Variants in ZNF592 observed in about 807,000 individuals in gnomAD.
ZNF592 encodes the protein spinocerebellar ataxia, autosomal recessive 5.
Under a neutral mutation model 80.3 loss-of-function variants are expected in ZNF592, and 11 were observed. The observed-to-expected ratio is 0.14, with a 90% CI of 0.09 to 0.23. The LOEUF (loss-of-function observed/expected upper bound fraction) is 0.23. Among genes scored for constraint, ZNF592 ranks in the 10% least tolerant of loss-of-function variants. The pLI, the probability that ZNF592 is intolerant of heterozygous loss-of-function variation, is 1.00. For missense variants in ZNF592, 1,420 were observed against 1,633.9 expected (o/e 0.87, Z 2.26); for synonymous variants, 646 against 640.3 (o/e 1.01, Z -0.13).
chr15:84,760,431 AGAGAAT>A (rs1899316257), intron 1 of ZNF592, among the ~76,000 whole-genome samples: 2 of 152,206 alleles, frequency 1.3e-5, no homozygotes, highest in African/African-American at 2.4e-5. Flanking sequence ...TGGTTGAGAA[AGAGAAT>A]AAGTATGACT....
At chr15:84,796,503 G>A (rs1251209097) in intron 5 of ZNF592, among the ~76,000 whole-genome samples, 2 of 151,514 alleles carry the variant, frequency 1.3e-5, no homozygotes, top group Non-Finnish European at 2.9e-5. Context: ...TGTGTTCTTG[G>A]GCAGGAGGAA....
chr15:84,777,203 G>A (rs1418378470), intron 2 of ZNF592, among the ~76,000 whole-genome samples: 2 of 151,224 alleles, frequency 1.3e-5, no homozygotes, highest in South Asian at 2.1e-4. Flanking sequence ...GGGGCTGGGC[G>A]CAGTTGCTCA....
intron 5 of ZNF592, 152 bp from the exon 6 acceptor site, chr15:84,797,717 C>A: frequency 1.1e-6 from 1 of 908,522 alleles, no homozygotes; most frequent in Non-Finnish European, 1.8e-6. Context: ...TCAGGACGTA[C>A]TTGTCAAGGG....
Position 84,784,250 on chromosome 15 carries a change from G to A in ZNF592, c.1575G>A (p.Val525=). The A allele has an allele frequency of 6.2e-7, 1 of 1,614,240 alleles. No individual in the cohort carries two copies. Among genetic ancestry groups the A allele is most frequent in the Non-Finnish European group, 8.5e-7 (1 of 1,180,052 alleles). ...CATCAGTGACAGCCAAGTCTTCAGT[G>A]CAAAGACGGAGCCAGCCACAGCTTA... ...VAASVTAKSS[V]QRRSQPQLTQ... The change falls in exon 4 of 11, where the codon GTG becomes GTA. Residue 525 remains valine, a synonymous_variant. Transcript: ENST00000560079. This position sits in a 1 kb window ranked among gnomAD's most constrained non-coding sequence, Gnocchi z 5.8.
At position 84,802,523 on chromosome 15, in the gene ZNF592, G is replaced by T. The variant is rs761870348; in HGVS notation, c.*130G>T. 14 of 1,109,542 alleles carry T rather than the reference G, an allele frequency of 1.3e-5. No homozygotes were observed. Among genetic ancestry groups the T allele is most frequent in the Non-Finnish European group, 1.8e-5 (14 of 761,472 alleles). 68.7% of individuals were successfully genotyped at this position (1,109,542 alleles called of 1,614,324 possible). On this transcript the variant is annotated 3_prime_UTR_variant, in exon 11 of 11. Coordinates refer to ENST00000560079, the MANE Select transcript of ZNF592 (RefSeq NM_014630.3). ...CCGGTTGTACCCTGGAGTAGTGTCT[G>T]CCCTGAGCTGCCAGTGCTGGGTATC...
rs1479862318 is a variant in ZNF592, at chr15:84,783,541, T to C, written c.866T>C (p.Val289Ala). 6.2e-7 allele frequency: 1 copy of C among 1,614,172 alleles called. No individual in the cohort carries two copies. Among genetic ancestry groups the C allele is most frequent in the African/African-American group, 1.3e-5 (1 of 75,036 alleles). ...CTGTCCTCTTGTGTGGCAGCCTTGG[T>C]GGCCTTGCAGGCCAAAAGAGTGGCT... is the stretch of plus-strand genomic sequence containing the variant. ...SKLSSCVAAL[V>A]ALQAKRVASV... Residue 289 changes from valine (V) to alanine (A), a missense_variant, in exon 4 of 11, where the codon GTG (valine) becomes GCG (alanine). Coordinates refer to ENST00000560079, the MANE Select transcript of ZNF592 (RefSeq NM_014630.3). The surrounding 1 kb of genome is among the most constrained non-coding windows in gnomAD (Gnocchi z 5.0).
intron 1 of ZNF592, among the ~76,000 whole-genome samples, chr15:84,751,487 G>A (rs1400269777): frequency 6.6e-6 from 1 of 152,148 alleles, no homozygotes; most frequent in African/African-American, 2.4e-5. Context: ...CACATTTTAA[G>A]TGCAGATAAA....
chr15:84,751,703 G>A (rs1899020515), intron 1 of ZNF592, among the ~76,000 whole-genome samples: 1 of 151,434 alleles, frequency 6.6e-6, no homozygotes, highest in South Asian at 2.1e-4. Context: ...TCAGGAGTTC[G>A]AGGCCATCCT....
chr15:84,792,907 T>C (rs1354253195), intron 5 of ZNF592, among the ~76,000 whole-genome samples: 1 of 152,208 alleles, frequency 6.6e-6, no homozygotes, highest in Non-Finnish European at 1.5e-5. Flanking sequence ...CATCCCAGGC[T>C]ATATTTTAAA....
intron 1 of ZNF592, among the ~76,000 whole-genome samples, chr15:84,759,967 AC>A (rs1899299965): frequency 5.9e-5 from 1 of 16,862 alleles, no homozygotes; most frequent in Non-Finnish European, 1.4e-4. Flanking sequence ...CCCCCCCCCC[AC>A]CCTGCCATTT....
Position 84,784,437 on chromosome 15 carries a change from T to C in ZNF592, c.1762T>C (p.Cys588Arg). 1 of 1,614,220 alleles carries C rather than the reference T, an allele frequency of 6.2e-7. No individual in the cohort carries two copies. The highest frequency in any genetic ancestry group is 8.5e-7 in the Non-Finnish European group (1 of 1,180,042). Residue 588 changes from cysteine (C) to arginine (R), a missense_variant, in exon 4 of 11, where the codon TGC (cysteine) becomes CGC (arginine). By Grantham distance (180) the Cys-to-Arg change is radical. This residue lies in a region of ZNF592 where 524 missense variants were observed against 628.3 expected (regional missense o/e 0.83). Coordinates refer to ENST00000560079, the MANE Select transcript of ZNF592 (RefSeq NM_014630.3). The surrounding 1 kb of genome is among the most constrained non-coding windows in gnomAD (Gnocchi z 5.8). ...GATCCACGTGCCGGCCAGTGGGTAC[T>C]GCTGCCTGGAGTGTGGAGACGCATT... ...SRIHVPASGYCCLECGDAFAL... is the reference protein window; with the variant it reads ...SRIHVPASGYRCLECGDAFAL...
chr15:84,804,574 C>T lies in ZNF592; in HGVS notation c.*2181C>T, dbSNP rs1963191930. On this transcript the variant is annotated 3_prime_UTR_variant, in exon 11 of 11. Coordinates refer to ENST00000560079, the MANE Select transcript of ZNF592 (RefSeq NM_014630.3). Reference sequence around the variant, plus strand: ...CTTAACCTCACTGTCTCCTCTCCTTCACAATAGAGTTAGTAATTCCCATCC... The same window carrying T: ...CTTAACCTCACTGTCTCCTCTCCTTTACAATAGAGTTAGTAATTCCCATCC... 6.6e-6 allele frequency: 1 copy of T among 152,244 alleles called. No homozygotes were observed. The highest frequency in any genetic ancestry group is 1.5e-5 in the Non-Finnish European group (1 of 68,048). The allele number at this position is 152,244 out of a possible 1,614,324, so 9.4% of individuals were successfully genotyped here.
At chr15:84,785,819 C>T (rs1206873319) in intron 4 of ZNF592, among the ~76,000 whole-genome samples, 1 of 150,460 alleles carries the variant, frequency 6.6e-6, no homozygotes, top group African/African-American at 2.4e-5. Flanking sequence ...AGCAACTGTG[C>T]TTGTCTGCTT....
intron 2 of ZNF592, among the ~76,000 whole-genome samples, chr15:84,771,043 T>C (rs1596114529): frequency 6.6e-6 from 1 of 151,502 alleles, no homozygotes; most frequent in Admixed American, 6.6e-5. Flanking sequence ...AGCCAGGGGG[T>C]TGAAGAGACA....
At chr15:84,777,890 C>T (rs1239153144) in intron 2 of ZNF592, among the ~76,000 whole-genome samples, 2 of 151,764 alleles carry the variant, frequency 1.3e-5, no homozygotes, top group Non-Finnish European at 2.9e-5. Context: ...TTAGTAGAGA[C>T]GGGGTTTCAC....
At chr15:84,766,104 C>T (rs1425294305) in intron 2 of ZNF592, among the ~76,000 whole-genome samples, 1 of 151,752 alleles carries the variant, frequency 6.6e-6, no homozygotes, top group Non-Finnish European at 1.5e-5. Flanking sequence ...GCCTTTACCC[C>T]CTGGGTTCAA....
intron 2 of ZNF592, among the ~76,000 whole-genome samples, chr15:84,766,712 TGTG>T: frequency 9.0e-6 from 1 of 111,374 alleles, no homozygotes; most frequent in Non-Finnish European, 2.1e-5. Context: ...AAAGAGTGTG[TGTG>T]TGTGTGTGTG....
intron 1 of ZNF592, among the ~76,000 whole-genome samples, chr15:84,749,779 G>C (rs968309572): frequency 6.6e-6 from 1 of 152,198 alleles, no homozygotes; most frequent in African/African-American, 2.4e-5. Context: ...TTAGTAGTCT[G>C]TTTCCTCAAC....
intron 2 of ZNF592, among the ~76,000 whole-genome samples, chr15:84,768,542 G>C (rs1360747740): frequency 1.3e-5 from 2 of 151,834 alleles, no homozygotes; most frequent in Admixed American, 1.3e-4. Context: ...CCAGCCTTTT[G>C]TGTCTTTTTT....
Sources: allele counts gnomAD v4.1 joint callset (sites outside exome capture counted in the v4.1 genomes callset), GRCh38; gene constraint gnomAD v4.1.1; regional missense constraint gnomAD v4.1.1; non-coding constraint Gnocchi (gnomAD v3.1); transcripts MANE v1.5; gene names NCBI Gene and HGNC (gene_info 2026-07-23, HGNC 2026-07-21).